Variants in PLXNA4 observed in about 807,000 individuals in gnomAD.
PLXNA4 encodes the protein plexin A4.
Under a neutral mutation model 191.8 loss-of-function variants are expected in PLXNA4, and 44 were observed. The observed-to-expected ratio is 0.23, with a 90% CI of 0.18 to 0.29. The LOEUF (loss-of-function observed/expected upper bound fraction) is 0.29. PLXNA4 is among the 10% of genes least tolerant of loss of function. PLXNA4 has a pLI of 1.00. For synonymous variants in PLXNA4, 1,082 were observed against 1,009.5 expected (o/e 1.07, Z -1.36); for missense variants, 1,800 against 2,488.8 (o/e 0.72, Z 5.89).
At chr7:132,485,081 T>C in intron 3 of PLXNA4, 1 of 1,592,836 alleles carries the variant, frequency 6.3e-7, no homozygotes, top group Non-Finnish European at 8.6e-7. Flanking sequence ...ATTAAATTAA[T>C]CTACATGACA....
At chr7:132,578,364 G>A (rs890714284), upstream of PLXNA4, among the ~76,000 whole-genome samples, 1 of 152,176 alleles carries the variant, frequency 6.6e-6, no homozygotes, top group African/African-American at 2.4e-5. Flanking sequence ...GGAGCCCATG[G>A]CTCTTGGCCT....
chr7:132,468,939 T>C (rs1796813508), intron 3 of PLXNA4, among the ~76,000 whole-genome samples: 1 of 151,990 alleles, frequency 6.6e-6, no homozygotes, highest in African/African-American at 2.4e-5. Flanking sequence ...ATGCCCACTC[T>C]GAAGCACAGA....
chr7:132,448,379 G>A (rs1426493), intron 3 of PLXNA4, among the ~76,000 whole-genome samples: 106,598 of 152,138 alleles, frequency 0.7, 43,424 homozygotes, highest in Non-Finnish European at 0.91. Context: ...GGTAGTTTGC[G>A]AACACCAGGG....
chr7:132,351,875 GA>G (rs1563051829), intron 3 of PLXNA4, among the ~76,000 whole-genome samples: 1 of 152,110 alleles, frequency 6.6e-6, no homozygotes, highest in East Asian at 1.9e-4. Flanking sequence ...GACAAAGAAA[GA>G]AAAGAAGAAA....
At chr7:132,189,026 G>GAGAGAA (rs1796999272) in intron 14 of PLXNA4, among the ~76,000 whole-genome samples, 1 of 83,714 alleles carries the variant, frequency 1.2e-5, no homozygotes, top group Non-Finnish European at 2.4e-5. Context: ...GAGAGAGAGA[G>GAGAGAA]AGAAAGAGAG....
At chr7:132,208,336 G>C (rs965095523) in intron 10 of PLXNA4, among the ~76,000 whole-genome samples, 2 of 152,188 alleles carry the variant, frequency 1.3e-5, no homozygotes, top group Admixed American at 1.3e-4. Flanking sequence ...ACTTTAAAAT[G>C]GTAGAGAAAT....
intron 4 of PLXNA4, among the ~76,000 whole-genome samples, chr7:132,266,732 A>G (rs933022788): frequency 2.0e-5 from 3 of 152,254 alleles, no homozygotes; most frequent in Admixed American, 6.5e-5. Flanking sequence ...CTGCATAAGC[A>G]TCGACCTGGC....
At chr7:132,461,726 C>G (rs1188327519) in intron 3 of PLXNA4, among the ~76,000 whole-genome samples, 2 of 152,176 alleles carry the variant, frequency 1.3e-5, no homozygotes, top group Non-Finnish European at 2.9e-5. Context: ...CTCAGGCTCC[C>G]CTCCTGTATT....
intron 3 of PLXNA4, among the ~76,000 whole-genome samples, chr7:132,487,092 T>G (rs775636042): frequency 6.6e-6 from 1 of 152,176 alleles, no homozygotes; most frequent in Non-Finnish European, 1.5e-5. Flanking sequence ...AACACCTTCC[T>G]TTTTCCAAGA....
At position 132,417,352 on chromosome 7, in the gene PLXNA4, G is replaced by C. The variant is rs553123220; in HGVS notation, c.1371+71940C>G. Among the ~76,000 whole-genome samples the C allele has an allele frequency of 9.2e-5, 14 of 152,274 alleles. 1 individual carries two copies. The South Asian group carries it at 2.9e-3, about 32-fold the overall frequency. ...TGTCATGAGGCCTGCGCTTAGGATT[G>C]GGGCTGCCTCCTCTGCTTCTTCCTA... On this transcript the variant is annotated intron_variant, in intron 3 of 31. Transcript: ENST00000321063.
intron 1 of PLXNA4, among the ~76,000 whole-genome samples, chr7:132,571,749 T>A (rs1252979102): frequency 6.6e-6 from 1 of 152,206 alleles, no homozygotes; most frequent in Non-Finnish European, 1.5e-5. Flanking sequence ...ATACTAGCAA[T>A]TTGAAGCAGT....
chr7:132,563,385 TCCTCCTC>T, intron 1 of PLXNA4, among the ~76,000 whole-genome samples: 4 of 100,826 alleles, frequency 4.0e-5, no homozygotes, highest in African/African-American at 1.6e-4. Context: ...CTTCTCCTCC[TCCTCCTC>T]TTTCTCCTCC....
At chr7:132,179,622 G>A in intron 20 of PLXNA4, 65 bp downstream of exon 20, 1 of 1,572,170 alleles carries the variant, frequency 6.4e-7, no homozygotes, top group Non-Finnish European at 8.7e-7. Context: ...ATACACAGAT[G>A]TGCATGCACA....
intron 3 of PLXNA4, among the ~76,000 whole-genome samples, chr7:132,302,833 T>C (rs1391672528): frequency 6.6e-6 from 1 of 152,112 alleles, no homozygotes; most frequent in African/African-American, 2.4e-5. Context: ...CCCCAACACT[T>C]GTAACATGAC....
intron 12 of PLXNA4, among the ~76,000 whole-genome samples, chr7:132,202,340 C>T (rs1164151011): frequency 6.6e-6 from 1 of 152,174 alleles, no homozygotes; most frequent in African/African-American, 2.4e-5. Flanking sequence ...CACCGAGGCT[C>T]TTAGAGACAA....
At chr7:132,521,391 G>A (rs1434132993) in intron 1 of PLXNA4, among the ~76,000 whole-genome samples, 1 of 152,082 alleles carries the variant, frequency 6.6e-6, no homozygotes, top group Non-Finnish European at 1.5e-5. Context: ...CATGCCAGAA[G>A]AACATGTCAT....
At chr7:132,351,248 T>C (rs529363124) in intron 3 of PLXNA4, among the ~76,000 whole-genome samples, 1 of 152,362 alleles carries the variant, frequency 6.6e-6, no homozygotes, top group Non-Finnish European at 1.5e-5. Flanking sequence ...TAGTAAAAGC[T>C]ACTGAATTGC....
chr7:132,378,191 G>C (rs1447213996), intron 3 of PLXNA4, among the ~76,000 whole-genome samples: 1 of 152,178 alleles, frequency 6.6e-6, no homozygotes, highest in African/African-American at 2.4e-5. Flanking sequence ...ACTAGCTGTG[G>C]CAGCTTGGTG....
At chr7:132,317,660 T>C (rs1049685541) in intron 3 of PLXNA4, among the ~76,000 whole-genome samples, 5 of 152,238 alleles carry the variant, frequency 3.3e-5, no homozygotes, top group Non-Finnish European at 1.5e-5. Flanking sequence ...CTTCCCTGAT[T>C]ACTTTTATTC....
Sources: gnomAD v4.1 joint callset for allele counts (sites outside exome capture counted in the v4.1 genomes callset) on GRCh38, gnomAD v4.1.1 for gene constraint, MANE v1.5 for transcripts, NCBI Gene and HGNC (gene_info 2026-07-23, HGNC 2026-07-21) for gene names.